The following SPARC variants were observed in gnomAD, a reference collection of about 807,000 sequenced individuals.
SPARC encodes basement-membrane protein 40.
A neutral mutation model predicts 37.7 loss-of-function variants in SPARC; 23 were observed. The observed-to-expected ratio is 0.61, with a 90% CI of 0.44 to 0.87. The LOEUF (loss-of-function observed/expected upper bound fraction) is 0.87. SPARC is among the 40% of genes least tolerant of loss of function. The pLI is 0.00. For synonymous variants in SPARC, 155 were observed against 150.8 expected, an observed-to-expected ratio of 1.03 and a Z score of -0.20; for missense variants, 312 against 389.0, an observed-to-expected ratio of 0.80 and a Z score of 1.66.
chr5:151,674,050 C>T (rs1268702409), intron 3 of SPARC, among the ~76,000 whole-genome samples: 3 of 151,574 alleles, frequency 2.0e-5, no homozygotes, highest in African/African-American at 2.4e-5. Context: ...CTCATGCTGT[C>T]GCCCAGGGTA....
chr5:151,677,335 C>T (rs144963737), intron 1 of SPARC, among the ~76,000 whole-genome samples: 1 of 152,352 alleles, frequency 6.6e-6, no homozygotes, highest in African/African-American at 2.4e-5. Context: ...AACCTGCTCT[C>T]TCTACCCACA....
intron 5 of SPARC, among the ~76,000 whole-genome samples, chr5:151,670,875 T>C (rs540168764): frequency 6.6e-6 from 1 of 152,268 alleles, no homozygotes; most frequent in East Asian, 1.9e-4. Flanking sequence ...AGAGGCTATG[T>C]AGTCTCTGGA....
Position 151,666,525 on chromosome 5 carries a change from CTG to C in SPARC, c.586-18_586-17del, listed in dbSNP as rs1377462146. 21 of 1,611,638 alleles carry C rather than the reference CTG, an allele frequency of 1.3e-5. No homozygotes were observed. Among genetic ancestry groups the C allele is most frequent in the Admixed American group, 3.3e-5 (2 of 59,846 alleles). On this transcript the variant is annotated splice_polypyrimidine_tract_variant and intron_variant, in intron 7 of 9. Transcript: ENST00000231061. The stretch of plus-strand genomic sequence containing the variant: ...TCTTCTTCACCTGAGGGAGTAGAGA[CTG>C]TGTGTGACAAGAGGTCCATGGAGAT...
At chr5:151,685,604 C>T (rs907874072) in intron 1 of SPARC, among the ~76,000 whole-genome samples, 1 of 152,130 alleles carries the variant, frequency 6.6e-6, no homozygotes, top group Non-Finnish European at 1.5e-5. Context: ...TCTTTCATTA[C>T]AGATGGGGCA....
chr5:151,682,474 A>T (rs1387846973), intron 1 of SPARC, among the ~76,000 whole-genome samples: 2 of 152,174 alleles, frequency 1.3e-5, no homozygotes, highest in African/African-American at 2.4e-5. Flanking sequence ...AATATGTGGC[A>T]TATGTGACAA....
intron 2 of SPARC, 55 bp from the exon 3 acceptor site, chr5:151,674,729 C>A: frequency 6.4e-7 from 1 of 1,564,984 alleles, no homozygotes; most frequent in Non-Finnish European, 8.8e-7. Flanking sequence ...CCAGCTTCAC[C>A]TCCAAAGTGC....
intron 4 of SPARC, among the ~76,000 whole-genome samples, chr5:151,672,295 T>C (rs909309096): frequency 6.6e-6 from 1 of 152,160 alleles, no homozygotes; most frequent in African/African-American, 2.4e-5. Context: ...CAAATACCAT[T>C]AGCTATCCCC....
At chr5:151,666,542 T>A (rs772993881) in intron 7 of SPARC, 33 bp from the exon 8 acceptor site, 60 of 1,605,120 alleles carry the variant, frequency 3.7e-5, no homozygotes, top group Non-Finnish European at 4.6e-5. Flanking sequence ...TGACAAGAGG[T>A]CCATGGAGAT....
In SPARC at chr5:151,676,180, G is replaced by A; in HGVS notation, c.9C>T (p.Ala3=). 6.2e-7 allele frequency: 1 copy of A among 1,611,542 alleles called. No homozygotes were observed. The highest frequency in any genetic ancestry group is 8.5e-7 in the Non-Finnish European group (1 of 1,179,090). MR[A]WIFFLLCLAG... ...CCAGGCAAAGGAGAAAGAAGATCCA[G>A]GCCCTCATGGTGCTGGGAACCCTAT... Residue 3 remains alanine (A), a synonymous_variant, in exon 2 of 10, where the codon GCC becomes GCT. Coordinates refer to ENST00000231061, the MANE Select transcript of SPARC (RefSeq NM_003118.4).
At chr5:151,681,690 G>C (rs559171163) in intron 1 of SPARC, among the ~76,000 whole-genome samples, 1 of 152,158 alleles carries the variant, frequency 6.6e-6, no homozygotes, top group Admixed American at 6.5e-5. Context: ...TCAGCAGTTC[G>C]AGACCAGCCT....
In SPARC at chr5:151,665,824, G is replaced by A. The variant is rs184016653; in HGVS notation, c.734+537C>T. 1.1e-3 allele frequency among the ~76,000 whole-genome samples: 161 copies of A among 152,372 alleles called. 1 individual carries two copies. The highest frequency in any genetic ancestry group is 1.8e-3 in the Non-Finnish European group (122 of 68,040). ...TGGCCAGCTGCCTGCCTGTTCGGCA[G>A]TGCAGTTGCACAGGGCCTCATAACT... On this transcript the variant is annotated intron_variant, in intron 8 of 9. Transcript: ENST00000231061.
chr5:151,673,685 A>G (rs143655956), intron 3 of SPARC, among the ~76,000 whole-genome samples: 1 of 152,322 alleles, frequency 6.6e-6, no homozygotes, highest in Non-Finnish European at 1.5e-5. Flanking sequence ...ATCTACTTCT[A>G]ACCTGGAAGC....
At chr5:151,674,020 G>A (rs1760805181) in intron 3 of SPARC, among the ~76,000 whole-genome samples, 2 of 149,842 alleles carry the variant, frequency 1.3e-5, no homozygotes, top group Non-Finnish European at 3.0e-5. Context: ...TTGTTTGTTT[G>A]TTTGTTTTTG....
chr5:151,674,106 G>A (rs1168215890), intron 3 of SPARC, among the ~76,000 whole-genome samples: 2 of 151,734 alleles, frequency 1.3e-5, no homozygotes, highest in Non-Finnish European at 2.9e-5. Flanking sequence ...CCACCTCCCG[G>A]GTTCAAGCGA....
intron 1 of SPARC, chr5:151,686,361 G>GCCT (rs1290701117): frequency 6.6e-6 from 1 of 152,172 alleles, no homozygotes; most frequent in Non-Finnish European, 1.5e-5. Flanking sequence ...TAATGGTGAA[G>GCCT]CCTCCCCCTT....
intron 1 of SPARC, among the ~76,000 whole-genome samples, chr5:151,678,868 A>G (rs1760921596): frequency 6.6e-6 from 1 of 152,192 alleles, no homozygotes; most frequent in Non-Finnish European, 1.5e-5. Flanking sequence ...CTTTTCCCCC[A>G]GATGATGAGA....
At chr5:151,665,318 T>C (rs1197807960) in intron 8 of SPARC, among the ~76,000 whole-genome samples, 1 of 152,162 alleles carries the variant, frequency 6.6e-6, no homozygotes, top group East Asian at 1.9e-4. Flanking sequence ...CCTTTGACTT[T>C]TCCCCTCCCT....
Position 151,663,550 on chromosome 5 carries a change from G to A in SPARC, c.*21C>T, listed in dbSNP as rs201966091. The stretch of plus-strand genomic sequence containing the variant: ...AAGGGGAGGGTTAAAGAGAGAATCC[G>A]GTACTGTGGAAGGAGTGGATTTAGA... On this transcript the variant is annotated 3_prime_UTR_variant, in exon 10 of 10. Coordinates refer to ENST00000231061, the MANE Select transcript of SPARC (RefSeq NM_003118.4). The A allele has an allele frequency of 1.3e-3, 2,155 of 1,610,706 alleles. 2 individuals carry two copies. The highest frequency in any genetic ancestry group is 2.0e-3 in the South Asian group (179 of 90,972).
intron 2 of SPARC, 59 bp from the exon 3 acceptor site, chr5:151,674,733 A>G (rs1367133139): frequency 6.4e-7 from 1 of 1,557,360 alleles, no homozygotes; most frequent in East Asian, 2.2e-5. Context: ...CTTCACCTCC[A>G]AAGTGCCTGT....
Sources: gnomAD v4.1 joint callset for allele counts (sites outside exome capture counted in the v4.1 genomes callset) on GRCh38, gnomAD v4.1.1 for gene constraint, MANE v1.5 for transcripts, NCBI Gene and HGNC (gene_info 2026-07-23, HGNC 2026-07-21) for gene names.